Variants in PCDHA1 observed in about 807,000 individuals in gnomAD.
The protein encoded by PCDHA1 is protocadherin alpha 1.
Under a neutral mutation model 61.3 loss-of-function variants are expected in PCDHA1, and 42 were observed. That is an observed-to-expected ratio of 0.69 (90% CI 0.54 to 0.89). The LOEUF (loss-of-function observed/expected upper bound fraction) is 0.89. Ranked by LOEUF, PCDHA1 falls within the 40% of genes least tolerant of loss-of-function variation. The probability of loss-of-function intolerance (pLI) is 0.00; values close to 1 mark genes in which losing one functional copy is unlikely to be tolerated. For missense variants in PCDHA1, 1,256 were observed against 1,235.3 expected, an observed-to-expected ratio of 1.02 and a Z score of -0.25; for synonymous variants, 610 against 553.8, an observed-to-expected ratio of 1.10 and a Z score of -1.43.
intron 1 of PCDHA1, chr5:140,803,241 G>C (rs1296238860): frequency 6.2e-7 from 1 of 1,613,808 alleles, no homozygotes; most frequent in Admixed American, 1.7e-5. Flanking sequence ...CTCGTCCCAG[G>C]CGTCCGCTGG....
intron 1 of PCDHA1, among the ~76,000 whole-genome samples, chr5:140,901,473 A>C (rs1554189862): frequency 1.3e-5 from 2 of 152,012 alleles, no homozygotes. Flanking sequence ...TCTCGAGTTT[A>C]TGTTCTTGGC....
At chr5:140,969,064 C>T (rs2096292525) in intron 1 of PCDHA1, 1 of 1,614,136 alleles carries the variant, frequency 6.2e-7, no homozygotes, top group Non-Finnish European at 8.5e-7. Context: ...ATATTGATGC[C>T]AGGATACCGC....
chr5:140,836,312 G>T, intron 1 of PCDHA1: 1 of 1,613,712 alleles, frequency 6.2e-7, no homozygotes, highest in Middle Eastern at 1.6e-4. Flanking sequence ...CGGACGCACC[G>T]CGCCACCGCC....
At chr5:140,861,184 A>G in intron 1 of PCDHA1, 1 of 160,152 alleles carries the variant, frequency 6.2e-6, no homozygotes, top group Non-Finnish European at 1.4e-5. Context: ...AAGTCTTTCT[A>G]GTCATGAAAT....
chr5:140,931,175 G>A (rs1321525314), intron 1 of PCDHA1, among the ~76,000 whole-genome samples: 2 of 152,138 alleles, frequency 1.3e-5, no homozygotes, highest in Non-Finnish European at 2.9e-5. Flanking sequence ...TAATTTTAGG[G>A]AAGGAAATTG....
rs782509590 is a variant in PCDHA1, at chr5:140,786,413, C to G, written c.123C>G (p.His41Gln). The G allele has an allele frequency of 2.5e-6, 4 of 1,613,384 alleles. No homozygotes were observed. In the African/African-American group the frequency reaches 5.3e-5, roughly 22 times the overall value. ...ACTCGATCCCGGAGGAAGCCAAACA[C>G]GGCACCTTCGTTGGCCGCGTTGCTC... The part of the protein sequence containing the change: ...LHYSIPEEAK[H>Q]GTFVGRVAQD... Residue 41 changes from histidine to glutamine, a missense_variant, in exon 1 of 4, where the codon CAC (histidine) becomes CAG (glutamine). Coordinates refer to ENST00000504120, the MANE Select transcript of PCDHA1 (RefSeq NM_018900.4).
At chr5:140,993,345 C>T (rs557836440) in intron 3 of PCDHA1, among the ~76,000 whole-genome samples, 25 of 152,064 alleles carry the variant, frequency 1.6e-4, no homozygotes, top group African/African-American at 4.3e-4. Context: ...AAGGGCACTA[C>T]GAAGATCCTC....
chr5:140,796,653 G>A, intron 1 of PCDHA1: 6 of 1,613,844 alleles, frequency 3.7e-6, no homozygotes, highest in Non-Finnish European at 4.2e-6. Flanking sequence ...ACAACGCGCC[G>A]GCACTGTTGG....
intron 1 of PCDHA1, chr5:140,801,527 G>A (rs1562179621): frequency 6.2e-7 from 1 of 1,614,236 alleles, no homozygotes; most frequent in Non-Finnish European, 8.5e-7. Context: ...AGGTGATCGT[G>A]GACAGGCCGC....
At chr5:140,868,957 A>T (rs2050760003) in intron 1 of PCDHA1, 1 of 1,389,232 alleles carries the variant, frequency 7.2e-7, no homozygotes, top group Non-Finnish European at 9.7e-7. Context: ...AGGCACTCCC[A>T]TACAAAGGAA....
intron 1 of PCDHA1, among the ~76,000 whole-genome samples, chr5:140,790,197 T>C (rs1761572394): frequency 6.6e-6 from 1 of 152,228 alleles, no homozygotes; most frequent in Admixed American, 6.5e-5. Context: ...TTGAGAAATA[T>C]ACTGGGCAGC....
At chr5:140,964,658 G>T (rs2095846855) in intron 1 of PCDHA1, among the ~76,000 whole-genome samples, 1 of 151,968 alleles carries the variant, frequency 6.6e-6, no homozygotes, top group Admixed American at 6.6e-5. Context: ...AATGGGTGAG[G>T]ACACAGGCCA....
At chr5:140,928,532 A>G (rs781788985) in intron 1 of PCDHA1, 42 of 1,614,110 alleles carry the variant, frequency 2.6e-5, no homozygotes, top group Middle Eastern at 1.6e-4. Flanking sequence ...TTTGTGGTAG[A>G]TAGGAATGAC....
In PCDHA1 at chr5:140,786,989, C is replaced by A; in HGVS notation, c.699C>A (p.Leu233=). 2.5e-6 allele frequency: 4 copies of A among 1,614,070 alleles called. No individual in the cohort carries two copies. Among genetic ancestry groups the A allele is most frequent in the Non-Finnish European group, 3.4e-6 (4 of 1,180,002 alleles). ...CAGTTGAGCTGCTGATCACCGTCCTCGACGTTAATGATAACGCCCCACTGT... is the reference window on the plus strand; with the variant it reads ...CAGTTGAGCTGCTGATCACCGTCCTAGACGTTAATGATAACGCCCCACTGT... ...QGTVELLITV[L]DVNDNAPLFD... Residue 233 remains leucine, a synonymous_variant, in exon 1 of 4, where the codon CTC becomes CTA. Coordinates refer to ENST00000504120, the MANE Select transcript of PCDHA1 (RefSeq NM_018900.4).
At chr5:140,796,638 G>A in intron 1 of PCDHA1, 1 of 1,613,800 alleles carries the variant, frequency 6.2e-7, no homozygotes, top group South Asian at 1.1e-5. Context: ...TGCTGGACGA[G>A]AACGACAACG....
chr5:140,795,268 T>C, intron 1 of PCDHA1: 2 of 1,614,218 alleles, frequency 1.2e-6, no homozygotes, highest in Non-Finnish European at 1.7e-6. Flanking sequence ...GAGCGCGGAA[T>C]GTAGCATCCA....
chr5:140,795,658 G>A, intron 1 of PCDHA1: 3 of 1,614,114 alleles, frequency 1.9e-6, no homozygotes, highest in South Asian at 2.2e-5. Flanking sequence ...ACTTATTAAG[G>A]TATTAGATGT....
intron 1 of PCDHA1, among the ~76,000 whole-genome samples, chr5:140,944,214 G>T (rs72801002): frequency 0.015 from 2,290 of 152,232 alleles, 30 homozygotes; most frequent in Non-Finnish European, 0.021. Context: ...TTTAAAGAGG[G>T]TTTTACTCTG....
At chr5:140,913,857 T>C (rs1374392004) in intron 1 of PCDHA1, among the ~76,000 whole-genome samples, 3 of 152,208 alleles carry the variant, frequency 2.0e-5, no homozygotes, top group Admixed American at 6.5e-5. Context: ...CAGGAGCATA[T>C]TGTTTAATTT....
Sources: gnomAD v4.1 joint callset for allele counts (sites outside exome capture counted in the v4.1 genomes callset) on GRCh38, gnomAD v4.1.1 for gene constraint, MANE v1.5 for transcripts, NCBI Gene and HGNC (gene_info 2026-07-23, HGNC 2026-07-21) for gene names.